Variants in ABCB7 observed in about 807,000 individuals in gnomAD.
The protein encoded by ABCB7 is ATP binding cassette subfamily B member 7.
A neutral mutation model predicts 54.4 loss-of-function variants in ABCB7; 7 were observed. The ratio of observed to expected loss-of-function variants is 0.13; its 90% CI spans 0.07 to 0.24. The LOEUF (loss-of-function observed/expected upper bound fraction) is 0.24. Ranked by LOEUF, ABCB7 falls within the 10% of genes least tolerant of loss-of-function variation. The pLI is 1.00. For missense variants in ABCB7, 356 were observed against 570.4 expected (o/e 0.62, Z 3.83); for synonymous variants, 218 against 207.1 (o/e 1.05, Z -0.45).
chrX:75,145,138 C>T (rs955487713), intron 1 of ABCB7, among the ~76,000 whole-genome samples: 2 of 110,800 alleles, frequency 1.8e-5, no homozygotes, highest in African/African-American at 6.6e-5. Flanking sequence ...GACAGATTCA[C>T]AGCTGAATTC....
chrX:75,138,633 C>G (rs927844942), intron 1 of ABCB7, among the ~76,000 whole-genome samples: 2 of 111,517 alleles, frequency 1.8e-5, no homozygotes, highest in Non-Finnish European at 3.8e-5. Context: ...AGTTCCCAAG[C>G]CTGAATATAC....
chrX:75,144,070 T>C (rs933853043), intron 1 of ABCB7, among the ~76,000 whole-genome samples: 5 of 111,818 alleles, frequency 4.5e-5, no homozygotes, highest in Non-Finnish European at 9.4e-5. Flanking sequence ...TTGACAATGC[T>C]ACCTCATGAC....
rs1321385968 is a variant in ABCB7 at position 75,051,519 on chromosome X, G to C, written c.*1851C>G. The C allele has an allele frequency of 8.9e-6, 1 of 112,177 alleles. No individual in the cohort carries two copies. Among genetic ancestry groups the C allele is most frequent in the African/African-American group, 3.2e-5 (1 of 30,922 alleles). 9.2% of individuals were successfully genotyped at this position (112,177 alleles called of 1,213,427 possible). On this transcript the variant is annotated 3_prime_UTR_variant, in exon 16 of 16. Coordinates refer to ENST00000373394, the MANE Select transcript of ABCB7 (RefSeq NM_001271696.3). ...AATGATTACTACCAAACAAATGAAAGCAAGTTCATACTGGAAAAGAGAAGA... is the reference window on the plus strand; with the variant it reads ...AATGATTACTACCAAACAAATGAAACCAAGTTCATACTGGAAAAGAGAAGA...
At chrX:75,104,054 T>G (rs942593348) in intron 3 of ABCB7, among the ~76,000 whole-genome samples, 2 of 51,429 alleles carry the variant, frequency 3.9e-5, no homozygotes, top group Non-Finnish European at 7.0e-5. Context: ...ACAGTTTTTT[T>G]TTTTTTTTTT....
intron 1 of ABCB7, among the ~76,000 whole-genome samples, chrX:75,137,720 C>G (rs774190441): frequency 4.0e-4 from 45 of 111,984 alleles, no homozygotes; most frequent in Non-Finnish European, 7.0e-4. Flanking sequence ...ATATCATGTC[C>G]TTTGCAGCAA....
At chrX:75,144,580 A>G (rs755418699) in intron 1 of ABCB7, among the ~76,000 whole-genome samples, 1 of 105,456 alleles carries the variant, frequency 9.5e-6, no homozygotes, top group African/African-American at 3.4e-5. Flanking sequence ...TGGTATTATT[A>G]AAAGTATAGG....
intron 8 of ABCB7, among the ~76,000 whole-genome samples, chrX:75,072,797 T>C (rs762032628): frequency 4.5e-5 from 5 of 112,001 alleles, no homozygotes; most frequent in Non-Finnish European, 7.5e-5. Context: ...GTAACTTTTT[T>C]ACTTTACAAA....
At chrX:75,096,867 A>G (rs2081596205) in intron 4 of ABCB7, among the ~76,000 whole-genome samples, 1 of 108,793 alleles carries the variant, frequency 9.2e-6, no homozygotes, top group Admixed American at 9.9e-5. Context: ...TATCTCTTGT[A>G]TTTTCCTCCA....
chrX:75,147,679 G>T (rs1010068533), intron 1 of ABCB7, among the ~76,000 whole-genome samples: 2 of 111,755 alleles, frequency 1.8e-5, no homozygotes, highest in African/African-American at 6.5e-5. Flanking sequence ...GAGGGTGGAA[G>T]GTGGAAGAAG....
At chrX:75,079,309 C>T (rs766260382) in intron 4 of ABCB7, among the ~76,000 whole-genome samples, 48 of 110,909 alleles carry the variant, frequency 4.3e-4, no homozygotes, top group Non-Finnish European at 8.1e-4. Flanking sequence ...ATGTTAAAAA[C>T]GAAAGAAATA....
chrX:75,099,784 T>C (rs1229112938), intron 3 of ABCB7, among the ~76,000 whole-genome samples: 2 of 110,210 alleles, frequency 1.8e-5, no homozygotes, highest in Non-Finnish European at 3.8e-5. Flanking sequence ...CTAAAACTAC[T>C]ACATTATTAT....
At position 75,069,060 on chromosome X, in the gene ABCB7, T is replaced by C. The variant is rs1329786866; in HGVS notation, c.1606A>G (p.Ile536Val). The C allele has an allele frequency of 8.3e-7, 1 of 1,206,702 alleles. No homozygotes were observed. Among genetic ancestry groups the C allele is most frequent in the East Asian group, 3.0e-5 (1 of 33,759 alleles). Residue 536 changes from isoleucine to valine, a missense_variant, in exon 12 of 16, where the codon ATA becomes GTA. This residue lies in a region of ABCB7 where 241 missense variants were observed against 470.9 expected (regional missense o/e 0.51). Transcript: ENST00000373394. Reference sequence around the variant, plus strand: ...AGGCTTTCCAGGCTCACATCTTGTATATTTTGACCAGCAAGATAAATGCTA... The same window carrying C: ...AGGCTTTCCAGGCTCACATCTTGTACATTTTGACCAGCAAGATAAATGCTA... ...KGSIYLAGQN[I>V]QDVSLESLRR...
intron 1 of ABCB7, among the ~76,000 whole-genome samples, chrX:75,140,322 G>A (rs765843188): frequency 1.2e-4 from 13 of 110,832 alleles, no homozygotes; most frequent in Non-Finnish European, 1.9e-4. Flanking sequence ...TTCAACTACT[G>A]GGGAGGCTGA....
intron 2 of ABCB7, among the ~76,000 whole-genome samples, chrX:75,113,746 A>G (rs763316181): frequency 2.8e-4 from 31 of 112,161 alleles, no homozygotes; most frequent in African/African-American, 9.4e-4. Flanking sequence ...TAGCATAGCA[A>G]TATCAGCTCT....
At position 75,138,348 on chromosome X, in the gene ABCB7, G is replaced by A. The variant is rs749950294; in HGVS notation, c.168+17757C>T. Among the ~76,000 whole-genome samples the A allele has an allele frequency of 2.5e-3, 278 of 111,367 alleles. 1 individual carries two copies. Among genetic ancestry groups the A allele is most frequent in the Non-Finnish European group, 4.5e-3 (236 of 53,013 alleles). ...CACACATGCATATTTATACATATAC[G>A]TATGTACACACACACATACAAAATC... On this transcript the variant is annotated intron_variant, in intron 1 of 15. Coordinates refer to ENST00000373394, the MANE Select transcript of ABCB7 (RefSeq NM_001271696.3).
chrX:75,132,204 C>T (rs757718127), intron 1 of ABCB7, among the ~76,000 whole-genome samples: 30 of 112,166 alleles, frequency 2.7e-4, no homozygotes, highest in Non-Finnish European at 4.5e-4. Flanking sequence ...TTGCTGCCCT[C>T]GGACTGGGGA....
At chrX:75,142,247 G>A (rs1340434500) in intron 1 of ABCB7, among the ~76,000 whole-genome samples, 1 of 111,511 alleles carries the variant, frequency 9.0e-6, no homozygotes, top group Non-Finnish European at 1.9e-5. Context: ...ACATCCTCCT[G>A]TATACCTTAA....
At chrX:75,126,973 C>G (rs918849951) in intron 1 of ABCB7, among the ~76,000 whole-genome samples, 2 of 111,073 alleles carry the variant, frequency 1.8e-5, no homozygotes, top group African/African-American at 6.6e-5. Context: ...GAATTCTACC[C>G]GAGGTACAAA....
At chrX:75,073,593 C>A (rs1602344010) in intron 8 of ABCB7, 96 bp downstream of exon 8, 1 of 680,770 alleles carries the variant, frequency 1.5e-6, no homozygotes, top group African/African-American at 2.1e-5. Context: ...CATATCCTAA[C>A]CTGAAGCTCT....
Sources: allele counts gnomAD v4.1 joint callset (sites outside exome capture counted in the v4.1 genomes callset), GRCh38; gene constraint gnomAD v4.1.1; regional missense constraint gnomAD v4.1.1; transcripts MANE v1.5; gene names NCBI Gene and HGNC (gene_info 2026-07-23, HGNC 2026-07-21).